Variants in ATP8A2 observed in about 807,000 individuals in gnomAD.
ATP8A2 encodes phospholipid-transporting ATPase IB.
In ATP8A2, 100 loss-of-function variants were observed where a neutral mutation model predicts 165.6. The observed-to-expected ratio is 0.60, with a 90% CI of 0.51 to 0.71. The LOEUF (loss-of-function observed/expected upper bound fraction) is 0.71. Ranked by LOEUF, ATP8A2 falls within the 30% of genes least tolerant of loss-of-function variation. The probability of loss-of-function intolerance (pLI) is 0.00; values close to 1 mark genes in which losing one functional copy is unlikely to be tolerated. For synonymous variants in ATP8A2, 543 were observed against 548.8 expected (o/e 0.99, Z 0.15); for missense variants, 1,227 against 1,479.5 (o/e 0.83, Z 2.80).
chr13:25,531,363 G>GAT (rs1237843630), intron 4 of ATP8A2, among the ~76,000 whole-genome samples: 14 of 117,998 alleles, frequency 1.2e-4, no homozygotes, highest in South Asian at 5.3e-4. Context: ...TGTTATATAT[G>GAT]ATATATATAT....
chr13:25,596,823 T>A (rs1408958134), intron 24 of ATP8A2, among the ~76,000 whole-genome samples: 1 of 152,206 alleles, frequency 6.6e-6, no homozygotes, highest in Non-Finnish European at 1.5e-5. Flanking sequence ...GATATATGTT[T>A]AGCTTTATAA....
At chr13:25,549,518 A>G (rs916261260) in intron 10 of ATP8A2, among the ~76,000 whole-genome samples, 1 of 149,110 alleles carries the variant, frequency 6.7e-6, no homozygotes, top group Non-Finnish European at 1.5e-5. Flanking sequence ...GCAGGCTGAC[A>G]CTCCTGTGTG....
chr13:25,567,132 G>A (rs1257649040), intron 16 of ATP8A2: 4 of 322,836 alleles, frequency 1.2e-5, no homozygotes, highest in Non-Finnish European at 2.5e-5. Flanking sequence ...AGATTTCAAA[G>A]CTTGGTTCAG....
At chr13:25,880,965 T>C (rs184237333) in intron 33 of ATP8A2, 5 of 456,378 alleles carry the variant, frequency 1.1e-5, no homozygotes, top group Admixed American at 4.7e-5. Context: ...CTTTCTCTGT[T>C]GAAGCAGCCA....
At position 25,980,819 on chromosome 13, in the gene ATP8A2, C is replaced by T. The variant is rs188107775; in HGVS notation, c.3377+12140C>T. On this transcript the variant is annotated intron_variant, in intron 35 of 36. Transcript: ENST00000381655. ...CCAGGAGTTTGAGGCTGCAGTGAGC[C>T]GTGATTACAGCGTGTGAACAGACAC... Among the ~76,000 whole-genome samples, 394 of 152,140 alleles carry T rather than the reference C, an allele frequency of 2.6e-3. 2 individuals carry two copies. Among genetic ancestry groups the T allele is most frequent in the African/African-American group, 8.1e-3 (336 of 41,498 alleles).
chr13:25,905,434 C>T (rs1472154060), intron 33 of ATP8A2, among the ~76,000 whole-genome samples: 1 of 152,116 alleles, frequency 6.6e-6, no homozygotes, highest in Non-Finnish European at 1.5e-5. Context: ...CTCTCTCTCT[C>T]TTACTTCCCT....
At chr13:25,542,860 G>T (rs1433469654) in intron 9 of ATP8A2, among the ~76,000 whole-genome samples, 1 of 151,808 alleles carries the variant, frequency 6.6e-6, no homozygotes, top group Non-Finnish European at 1.5e-5. Context: ...GATATGATAG[G>T]TTGCTGCTTT....
chr13:25,718,757 G>A (rs2043308716), intron 25 of ATP8A2, among the ~76,000 whole-genome samples: 1 of 152,156 alleles, frequency 6.6e-6, no homozygotes, highest in African/African-American at 2.4e-5. Flanking sequence ...GTTTTACATT[G>A]ATTTTACTAA....
chr13:25,672,349 C>CT (rs1485780513), intron 24 of ATP8A2, among the ~76,000 whole-genome samples: 1 of 152,202 alleles, frequency 6.6e-6, no homozygotes, highest in East Asian at 1.9e-4. Context: ...TTTTTTCAGA[C>CT]TGTGGCATCA....
At chr13:25,791,943 G>A (rs2045190809) in intron 27 of ATP8A2, among the ~76,000 whole-genome samples, 1 of 152,034 alleles carries the variant, frequency 6.6e-6, no homozygotes. Flanking sequence ...TACCCTAAAA[G>A]CTAACCTAGC....
At chr13:25,680,137 C>T (rs9551218) in intron 24 of ATP8A2, among the ~76,000 whole-genome samples, 33,773 of 151,886 alleles carry the variant, frequency 0.22, 4,103 homozygotes, top group African/African-American at 0.31. Flanking sequence ...TGAAAAGATA[C>T]GTTGAGTTGT....
At chr13:25,497,306 C>T (rs1255957747) in intron 2 of ATP8A2, among the ~76,000 whole-genome samples, 2 of 152,194 alleles carry the variant, frequency 1.3e-5, no homozygotes, top group Admixed American at 1.3e-4. Context: ...CTGAGTTAAA[C>T]ACAGAGTAGT....
chr13:25,563,409 C>A (rs1382307635), intron 15 of ATP8A2, among the ~76,000 whole-genome samples: 5 of 149,654 alleles, frequency 3.3e-5, no homozygotes, highest in East Asian at 2.0e-4. Context: ...AATTTCATCT[C>A]AAAAAAAAAA....
rs146966653 is a variant in ATP8A2, at chr13:25,431,219, A to G, written c.77-37758A>G. ...GGCTAGAGTGCAATGGTGTGATCTC[A>G]GCTCACCGCAACCTCCGCCTCCCAG... On this transcript the variant is annotated intron_variant, in intron 1 of 36. Transcript: ENST00000381655. Among the ~76,000 whole-genome samples the G allele has an allele frequency of 8.5e-3, 1,295 of 151,990 alleles. 21 individuals are homozygous for G. The highest frequency in any genetic ancestry group is 0.029 in the African/African-American group (1,199 of 41,466).
chr13:25,415,261 C>G (rs1467361241), intron 1 of ATP8A2, among the ~76,000 whole-genome samples: 2 of 152,146 alleles, frequency 1.3e-5, no homozygotes, highest in African/African-American at 4.8e-5. Context: ...GTATGTGGCC[C>G]CAAATCTTGG....
intron 34 of ATP8A2, among the ~76,000 whole-genome samples, chr13:25,968,340 TG>T (rs750199369): frequency 6.6e-6 from 1 of 151,746 alleles, no homozygotes; most frequent in Non-Finnish European, 1.5e-5. Context: ...CTTTGCGGGG[TG>T]GGGGTGACTC....
At chr13:25,520,497 T>C (rs2037627166) in intron 2 of ATP8A2, among the ~76,000 whole-genome samples, 1 of 152,182 alleles carries the variant, frequency 6.6e-6, no homozygotes. Flanking sequence ...AATATGACAG[T>C]GCAGACAGAT....
intron 35 of ATP8A2, 97 bp from the exon 36 acceptor site, chr13:26,012,434 G>T: frequency 1.0e-6 from 1 of 954,984 alleles, no homozygotes; most frequent in Non-Finnish European, 1.6e-6. Flanking sequence ...GACGTGGGGA[G>T]GTGATCCCCC....
chr13:25,379,491 G>C (rs2032759172), intron 1 of ATP8A2, among the ~76,000 whole-genome samples: 1 of 152,180 alleles, frequency 6.6e-6, no homozygotes, highest in African/African-American at 2.4e-5. Flanking sequence ...CAGTGGCCTG[G>C]CTGATAATAT....
Sources: allele counts gnomAD v4.1 joint callset (sites outside exome capture counted in the v4.1 genomes callset), GRCh38; gene constraint gnomAD v4.1.1; transcripts MANE v1.5; gene names NCBI Gene and HGNC (gene_info 2026-07-23, HGNC 2026-07-21).